The following SLX4IP variants were observed in gnomAD, a reference collection of about 807,000 sequenced individuals.
The protein encoded by SLX4IP is protein SLX4IP.
SLX4IP carries 34 observed loss-of-function variants against 32.9 expected under a neutral mutation model. The observed-to-expected ratio is 1.03, with a 90% CI of 0.79 to 1.38. The LOEUF is 1.38. Ranked by LOEUF, SLX4IP falls within the 40% of genes most tolerant of loss-of-function variation. The pLI, the probability that SLX4IP is intolerant of heterozygous loss-of-function variation, is 0.00. For synonymous variants in SLX4IP, 172 were observed against 171.7 expected (o/e 1.00, Z -0.01); for missense variants, 444 against 479.0 (o/e 0.93, Z 0.68).
intron 2 of SLX4IP, among the ~76,000 whole-genome samples, chr20:10,508,058 C>A (rs1230611368): frequency 1.3e-5 from 2 of 152,088 alleles, no homozygotes; most frequent in East Asian, 3.9e-4. Context: ...GCGATCATGC[C>A]TAATAATTTA....
At chr20:10,582,808 T>C (rs1052447813) in intron 4 of SLX4IP, among the ~76,000 whole-genome samples, 30 of 152,194 alleles carry the variant, frequency 2.0e-4, no homozygotes, top group Admixed American at 1.8e-3. Context: ...TAAAAGATAC[T>C]TTTGCCTTCC....
chr20:10,518,789 C>G lies in SLX4IP; in HGVS notation c.28-37442C>G, dbSNP rs183345340. Among the ~76,000 whole-genome samples, 509 of 151,932 alleles carry G rather than the reference C, an allele frequency of 3.4e-3. 1 individual carries two copies. The highest frequency in any genetic ancestry group is 0.012 in the African/African-American group (485 of 41,422). ...TTGGCTATGTAACTCAGGCTAGTCTCGAACTCCTGAGTTCAAGTGATACAC... is the reference window on the plus strand; with the variant it reads ...TTGGCTATGTAACTCAGGCTAGTCTGGAACTCCTGAGTTCAAGTGATACAC... On this transcript the variant is annotated intron_variant, in intron 2 of 7. Transcript: ENST00000334534.
intron 6 of SLX4IP, among the ~76,000 whole-genome samples, chr20:10,617,648 CTTTCTTTTTTTTTTT>C (rs2067053137): frequency 8.6e-6 from 1 of 116,614 alleles, no homozygotes; most frequent in Admixed American, 9.4e-5. Flanking sequence ...TTTTTTCTTT[CTTTCTTTTTTTTTTT>C]TTTTTTTCAA....
intron 3 of SLX4IP, among the ~76,000 whole-genome samples, chr20:10,559,950 T>G (rs2066312727): frequency 6.6e-6 from 1 of 152,238 alleles, no homozygotes. Flanking sequence ...TCTGCTTAAC[T>G]CACTGCTCAA....
chr20:10,505,433 GAAA>G (rs950377896), intron 2 of SLX4IP, among the ~76,000 whole-genome samples: 4 of 152,320 alleles, frequency 2.6e-5, no homozygotes, highest in Admixed American at 2.6e-4. Flanking sequence ...TCGGAAAATG[GAAA>G]AGACATAGGA....
Position 10,560,773 on chromosome 20 carries a change from G to A in SLX4IP, c.191G>A (p.Arg64Lys), listed in dbSNP as rs770717675. Reference protein sequence around the residue: ...QEYLEVRKQHRPSNAEFTRSN... With the variant: ...QEYLEVRKQHKPSNAEFTRSN... ...TACTTGGAAGTTCGCAAACAGCACA[G>A]GCCATCAAATGCAGAATTCACAAGA... Residue 64 changes from arginine (R) to lysine (K), a missense_variant, in exon 4 of 8, where the codon AGG becomes AAG. Coordinates refer to ENST00000334534, the MANE Select transcript of SLX4IP (RefSeq NM_001009608.3). 1.2e-5 allele frequency: 20 copies of A among 1,608,374 alleles called. No homozygotes were observed. In the East Asian group the frequency reaches 4.0e-4, roughly 33 times the overall value.
At chr20:10,521,209 G>A (rs1178017101) in intron 2 of SLX4IP, among the ~76,000 whole-genome samples, 1 of 152,128 alleles carries the variant, frequency 6.6e-6, no homozygotes, top group Non-Finnish European at 1.5e-5. Context: ...GCTCTTAAAA[G>A]TGCCTGCCAG....
At chr20:10,573,551 A>T (rs981628049) in intron 4 of SLX4IP, among the ~76,000 whole-genome samples, 2 of 152,246 alleles carry the variant, frequency 1.3e-5, no homozygotes, top group African/African-American at 4.8e-5. Flanking sequence ...GCAGTCACAG[A>T]GCAAGCTAGG....
chr20:10,489,669 G>A (rs1458194206), intron 2 of SLX4IP, among the ~76,000 whole-genome samples: 5 of 152,194 alleles, frequency 3.3e-5, no homozygotes, highest in Non-Finnish European at 5.9e-5. Flanking sequence ...GGTCAGGTTA[G>A]GCTTAGGGAT....
At chr20:10,599,421 C>T (rs2066814762) in intron 5 of SLX4IP, among the ~76,000 whole-genome samples, 1 of 152,092 alleles carries the variant, frequency 6.6e-6, no homozygotes, top group Non-Finnish European at 1.5e-5. Flanking sequence ...ATATGTTATT[C>T]TCTTTTTTGC....
At chr20:10,475,645 A>T (rs2065469772) in intron 2 of SLX4IP, among the ~76,000 whole-genome samples, 1 of 152,206 alleles carries the variant, frequency 6.6e-6, no homozygotes, top group South Asian at 2.1e-4. Flanking sequence ...CATGTTGCAG[A>T]AGATAGTGGC....
At chr20:10,561,832 C>A (rs1172793283) in intron 4 of SLX4IP, among the ~76,000 whole-genome samples, 1 of 152,196 alleles carries the variant, frequency 6.6e-6, no homozygotes, top group Admixed American at 6.5e-5. Context: ...GCCATTAATT[C>A]ATTCCTTTTT....
At chr20:10,485,660 A>T (rs543253439) in intron 2 of SLX4IP, among the ~76,000 whole-genome samples, 12 of 152,144 alleles carry the variant, frequency 7.9e-5, no homozygotes, top group African/African-American at 2.9e-4. Flanking sequence ...ACTCCCCCAA[A>T]ACTTAACTAC....
At chr20:10,535,701 A>G (rs951940820) in intron 2 of SLX4IP, among the ~76,000 whole-genome samples, 2 of 152,204 alleles carry the variant, frequency 1.3e-5, no homozygotes, top group African/African-American at 4.8e-5. Flanking sequence ...GAATTCCCAA[A>G]CCAGGAGAGA....
chr20:10,518,473 T>C (rs751272990), intron 2 of SLX4IP, among the ~76,000 whole-genome samples: 6 of 46,104 alleles, frequency 1.3e-4, no homozygotes, highest in South Asian at 2.5e-3. Flanking sequence ...CTTTCCTTTC[T>C]TTTCCTTTCC....
chr20:10,513,236 G>A (rs1230233534), intron 2 of SLX4IP, among the ~76,000 whole-genome samples: 1 of 152,128 alleles, frequency 6.6e-6, no homozygotes, highest in Admixed American at 6.5e-5. Context: ...AACCCCAGGA[G>A]TTAAGTATGA....
intron 4 of SLX4IP, among the ~76,000 whole-genome samples, chr20:10,561,890 T>C (rs2066336454): frequency 6.6e-6 from 1 of 152,240 alleles, no homozygotes; most frequent in African/African-American, 2.4e-5. Context: ...CTTACTTCAC[T>C]TAATTTCCTT....
At chr20:10,560,153 T>TG (rs762469194) in intron 3 of SLX4IP, among the ~76,000 whole-genome samples, 5 of 152,150 alleles carry the variant, frequency 3.3e-5, no homozygotes, top group East Asian at 1.9e-4. Context: ...CCTAAAACCA[T>TG]GGGGGGCTGC....
At chr20:10,478,175 A>G (rs2065491216) in intron 2 of SLX4IP, among the ~76,000 whole-genome samples, 2 of 152,216 alleles carry the variant, frequency 1.3e-5, no homozygotes, top group South Asian at 4.1e-4. Flanking sequence ...CTCGGATTAC[A>G]GGTGTGAGCC....
Sources: gnomAD v4.1 joint callset for allele counts (sites outside exome capture counted in the v4.1 genomes callset) on GRCh38, gnomAD v4.1.1 for gene constraint, MANE v1.5 for transcripts, NCBI Gene and HGNC (gene_info 2026-07-23, HGNC 2026-07-21) for gene names.